The following ABCA4 variants were observed in gnomAD, a reference collection of about 807,000 sequenced individuals.
The protein encoded by ABCA4 is ATP binding cassette subfamily A member 4.
A neutral mutation model predicts 263.7 loss-of-function variants in ABCA4; 196 were observed. The ratio of observed to expected loss-of-function variants is 0.74; its 90% CI spans 0.66 to 0.84. ABCA4 has a LOEUF of 0.84. ABCA4 is among the 40% of genes least tolerant of loss of function. ABCA4 has a pLI of 0.00. For missense variants in ABCA4, 2,792 were observed against 2,855.1 expected (o/e 0.98, Z 0.50); for synonymous variants, 1,133 against 1,094.2 (o/e 1.04, Z -0.70).
At chr1:94,047,233 C>A in intron 18 of ABCA4, 140 bp from the exon 19 acceptor site, 1 of 885,536 alleles carries the variant, frequency 1.1e-6, no homozygotes, top group Non-Finnish European at 1.8e-6. Context: ...AAGGAAGACT[C>A]CAGAATAATA....
chr1:94,002,988 TTC>T (rs1027296242), intron 44 of ABCA4, among the ~76,000 whole-genome samples: 2 of 151,114 alleles, frequency 1.3e-5, no homozygotes, highest in African/African-American at 4.9e-5. Flanking sequence ...AATAAAACCC[TTC>T]TCTCTCTCAC....
At chr1:94,013,329 GGAAA>G (rs1260756409) in intron 38 of ABCA4, among the ~76,000 whole-genome samples, 1 of 149,574 alleles carries the variant, frequency 6.7e-6, no homozygotes, top group African/African-American at 2.5e-5. Context: ...AACAAGATCT[GGAAA>G]GAGTCAGTCT....
Position 94,047,111 on chromosome 1 carries a change from GA to G in ABCA4, c.2744-19del. 6.2e-7 allele frequency: 1 copy of G among 1,613,674 alleles called. No homozygotes were observed. The highest frequency in any genetic ancestry group is 1.1e-5 in the South Asian group (1 of 91,060). On this transcript the variant is annotated intron_variant, in intron 18 of 49. Transcript: ENST00000370225. ...GAAGGAGTCTTGGAGGAAAAAAAATGAACATGATGTAAACATAATGCCTAAT... is the reference window on the plus strand; with the variant it reads ...GAAGGAGTCTTGGAGGAAAAAAAATGACATGATGTAAACATAATGCCTAAT...
chr1:94,116,561 C>CG (rs1053182771), intron 1 of ABCA4, among the ~76,000 whole-genome samples: 30 of 151,826 alleles, frequency 2.0e-4, no homozygotes, highest in African/African-American at 5.3e-4. Context: ...TTGTTTTTGG[C>CG]GGGGGGCGGG....
intron 6 of ABCA4, among the ~76,000 whole-genome samples, chr1:94,084,868 G>T (rs1357737819): frequency 1.3e-5 from 2 of 152,226 alleles, no homozygotes; most frequent in African/African-American, 4.8e-5. Flanking sequence ...GGGCTGAGAA[G>T]AAGAGTGGGT....
intron 27 of ABCA4, 143 bp from the exon 28 acceptor site, chr1:94,031,263 G>T: frequency 8.7e-7 from 1 of 1,144,792 alleles, no homozygotes; most frequent in Non-Finnish European, 1.3e-6. Flanking sequence ...GCTTCTGGGG[G>T]AACATAATAA....
chr1:94,008,623 G>A, intron 41 of ABCA4, 128 bp downstream of exon 41: 1 of 1,260,414 alleles, frequency 7.9e-7, no homozygotes, highest in South Asian at 1.2e-5. Flanking sequence ...CAGGGATGAT[G>A]ACCCTACATA....
At chr1:93,993,371 C>T in intron 49 of ABCA4, 129 bp from the exon 50 acceptor site, 1 of 1,173,716 alleles carries the variant, frequency 8.5e-7, no homozygotes, top group Non-Finnish European at 1.3e-6. Context: ...CACTGTGATT[C>T]TGTCAGATCA....
At chr1:94,027,008 G>C (rs968231100) in intron 30 of ABCA4, among the ~76,000 whole-genome samples, 21 of 152,060 alleles carry the variant, frequency 1.4e-4, no homozygotes, top group Non-Finnish European at 2.6e-4. Flanking sequence ...GAAAGAGTGA[G>C]AGAGTGAGAG....
intron 38 of ABCA4, among the ~76,000 whole-genome samples, chr1:94,014,247 A>G (rs1476670152): frequency 6.7e-6 from 1 of 150,138 alleles, no homozygotes; most frequent in African/African-American, 2.5e-5. Flanking sequence ...AAAAAGGGAG[A>G]GAGGGCAGAA....
At position 94,007,692 on chromosome 1, in the gene ABCA4, T is replaced by C. The variant is rs1187562067; in HGVS notation, c.5947A>G (p.Lys1983Glu). Residue 1983 changes from lysine to glutamate, a missense_variant, in exon 43 of 50, where the codon AAG (lysine) becomes GAG (glutamate). Coordinates refer to ENST00000370225, the MANE Select transcript of ABCA4 (RefSeq NM_000350.3). Reference sequence around the variant, plus strand: ...ACTGTGGTGTCCCCAGTGAGCATCTTGAATGTGGTTGTTTTGCCGGCACCA... The same window carrying C: ...ACTGTGGTGTCCCCAGTGAGCATCTCGAATGTGGTTGTTTTGCCGGCACCA... ...VNGAGKTTTF[K>E]MLTGDTTVTS... The C allele has an allele frequency of 6.2e-7, 1 of 1,614,100 alleles. No individual in the cohort carries two copies. Among genetic ancestry groups the C allele is most frequent in the Non-Finnish European group, 8.5e-7 (1 of 1,180,026 alleles).
Position 94,019,729 on chromosome 1 carries a change from G to A in ABCA4, c.5049C>T (p.Ala1683=). ...AGGACATGGAGAAAATCACGCAGAT[G>A]GCAACCACAGCATCCACTGAAGTGG... ...VLTTSVDAVV[A]ICVIFSMSFV... The change falls in exon 36 of 50, where the codon GCC becomes GCT. Residue 1683 remains alanine (A), a synonymous_variant. Coordinates refer to ENST00000370225, the MANE Select transcript of ABCA4 (RefSeq NM_000350.3). The A allele has an allele frequency of 6.2e-7, 1 of 1,613,262 alleles. No individual in the cohort carries two copies. The highest frequency in any genetic ancestry group is 2.2e-5 in the East Asian group (1 of 44,870).
intron 1 of ABCA4, among the ~76,000 whole-genome samples, chr1:94,120,337 T>C (rs1662914606): frequency 1.3e-5 from 2 of 152,198 alleles, no homozygotes; most frequent in Non-Finnish European, 1.5e-5. Context: ...TGTCTGCTCA[T>C]TGAAAGAGTT....
rs1372951577 is a variant in ABCA4, at chr1:94,000,856, G to A, written c.6459C>T (p.Thr2153=). The change falls in exon 47 of 50, where the codon ACC becomes ACT. Residue 2153 remains threonine, a synonymous_variant. Coordinates refer to ENST00000370225, the MANE Select transcript of ABCA4 (RefSeq NM_000350.3). ...CTTACTTGGACTTGAGATGCTGAAT[G>A]GTGCCCATACATCGAAAGGCGCCCT... is the stretch of plus-strand genomic sequence containing the variant. The part of the protein sequence containing the change: ...MVKGAFRCMG[T]IQHLKSKFGD... 1 of 1,614,074 alleles carries A rather than the reference G, an allele frequency of 6.2e-7. No homozygotes were observed. The highest frequency in any genetic ancestry group is 8.5e-7 in the Non-Finnish European group (1 of 1,180,032).
chr1:94,051,710 G>T lies in ABCA4; in HGVS notation c.2588-12C>A. ...GGTTCCATAGTCTCCTAAAAATAGA[G>T]ACAAATAAACAGAGAAAGTCGAAGG... On this transcript the variant is annotated splice_polypyrimidine_tract_variant and intron_variant, in intron 16 of 49. Transcript: ENST00000370225. 6.2e-7 allele frequency: 1 copy of T among 1,606,348 alleles called. No homozygotes were observed. The highest frequency in any genetic ancestry group is 8.5e-7 in the Non-Finnish European group (1 of 1,173,008).
chr1:94,059,075 C>G (rs2101073039), intron 14 of ABCA4, among the ~76,000 whole-genome samples: 1 of 152,332 alleles, frequency 6.6e-6, no homozygotes, highest in Non-Finnish European at 1.5e-5. Context: ...ATCGTAAAAG[C>G]TTTGAAGACC....
chr1:94,005,313 G>C, intron 44 of ABCA4, 128 bp downstream of exon 44: 5 of 1,275,144 alleles, frequency 3.9e-6, no homozygotes, highest in Middle Eastern at 1.9e-4. Flanking sequence ...TAGACACATA[G>C]TAAACATTTG....
At position 94,088,506 on chromosome 1, in the gene ABCA4, C is replaced by G. The variant is rs1337777967; in HGVS notation, c.769-5065G>C. Among the ~76,000 whole-genome samples, 4 of 152,252 alleles carry G rather than the reference C, an allele frequency of 2.6e-5. No homozygotes were observed. The East Asian group carries it at 7.7e-4, about 29-fold the overall frequency. On this transcript the variant is annotated intron_variant, in intron 6 of 49. Transcript: ENST00000370225. The stretch of plus-strand genomic sequence containing the variant: ...ACATATCCAACTGTCTGCTGGGCAT[C>G]TGCCTAGATCCAGCGTGTTCTGAAC...
intron 19 of ABCA4, among the ~76,000 whole-genome samples, chr1:94,045,514 T>C (rs555516527): frequency 3.3e-5 from 5 of 152,194 alleles, no homozygotes; most frequent in African/African-American, 1.2e-4. Flanking sequence ...GATGAAGTAA[T>C]GTGTTTGCCT....
Sources: allele counts gnomAD v4.1 joint callset (sites outside exome capture counted in the v4.1 genomes callset), GRCh38; gene constraint gnomAD v4.1.1; transcripts MANE v1.5; gene names NCBI Gene and HGNC (gene_info 2026-07-23, HGNC 2026-07-21).